The following FEZ1 variants were observed in gnomAD, a reference collection of about 807,000 sequenced individuals.
FEZ1 encodes fasciculation and elongation protein zeta-1.
In FEZ1, 20 loss-of-function variants were observed where a neutral mutation model predicts 49.3. The observed-to-expected ratio is 0.41, with a 90% confidence interval of 0.29 to 0.59. FEZ1 has a LOEUF of 0.59. Ranked by LOEUF, FEZ1 falls within the 20% of genes least tolerant of loss-of-function variation. FEZ1 has a pLI of 0.36. For synonymous variants in FEZ1, 170 were observed against 180.9 expected (o/e 0.94, Z 0.48); for missense variants, 413 against 476.0 (o/e 0.87, Z 1.23).
At chr11:125,469,341 C>T (rs1286987529) in intron 3 of FEZ1, among the ~76,000 whole-genome samples, 1 of 152,218 alleles carries the variant, frequency 6.6e-6, no homozygotes, top group East Asian at 1.9e-4. Context: ...TCACTGCAAC[C>T]TCTGCCTCCC....
chr11:125,486,419 A>G (rs940754717), intron 2 of FEZ1, among the ~76,000 whole-genome samples: 1 of 152,192 alleles, frequency 6.6e-6, no homozygotes. Flanking sequence ...AGATTCTGGG[A>G]TATTTCTTGA....
chr11:125,463,069 G>A (rs768150277), intron 4 of FEZ1, among the ~76,000 whole-genome samples: 1 of 151,922 alleles, frequency 6.6e-6, no homozygotes, highest in Non-Finnish European at 1.5e-5. Context: ...GGAGGTTGAG[G>A]TGGGCAGATC....
chr11:125,493,682 G>C (rs553725942), intron 1 of FEZ1, among the ~76,000 whole-genome samples: 2 of 152,126 alleles, frequency 1.3e-5, no homozygotes, highest in African/African-American at 2.4e-5. Flanking sequence ...TTTTACTAAG[G>C]CTTCTTTTTT....
At position 125,491,466 on chromosome 11, in the gene FEZ1, A is replaced by G. The variant is rs374274909; in HGVS notation, c.-45-1644T>C. ...GTTGAAAAAATGATCTATCTCCCAC[A>G]TACAGTTTTCCATTTTCAGTTTCAG... On this transcript the variant is annotated intron_variant, in intron 1 of 9. Coordinates refer to ENST00000278919, the MANE Select transcript of FEZ1 (RefSeq NM_005103.5). Among the ~76,000 whole-genome samples the G allele has an allele frequency of 2.6e-5, 4 of 152,144 alleles. No individual in the cohort carries two copies. The East Asian group carries it at 7.7e-4, about 29-fold the overall frequency.
chr11:125,493,636 A>G (rs1024197666), intron 1 of FEZ1, among the ~76,000 whole-genome samples: 9 of 152,236 alleles, frequency 5.9e-5, no homozygotes, highest in Non-Finnish European at 1.0e-4. Flanking sequence ...TGCTTATCAA[A>G]CAAGAGAACT....
At chr11:125,460,865 C>A (rs1391347166) in intron 4 of FEZ1, among the ~76,000 whole-genome samples, 199 bp from the exon 5 acceptor site, 1 of 152,198 alleles carries the variant, frequency 6.6e-6, no homozygotes, top group African/African-American at 2.4e-5. Flanking sequence ...GTAAGGCACT[C>A]TTTAATGTAA....
Position 125,489,901 on chromosome 11 carries a change from C to T in FEZ1, c.-45-79G>A. ...AGAGTTAACTTTAGAGACACACCTG[C>T]TTCCAATTCCCTACTCCAAAAAACA... On this transcript the variant is annotated intron_variant, in intron 1 of 9. Transcript: ENST00000278919. This position sits in a 1 kb window ranked among gnomAD's most constrained non-coding sequence, Gnocchi z 4.2. The T allele has an allele frequency of 8.0e-7, 1 of 1,252,290 alleles. No individual in the cohort carries two copies. The allele number at this position is 1,252,290 out of a possible 1,614,324, so 77.6% of individuals were successfully genotyped here. A position where few individuals can be genotyped will look rare whatever the true frequency, so the allele number is the denominator to read the frequency against.
intron 2 of FEZ1, among the ~76,000 whole-genome samples, chr11:125,483,006 T>TAAAAAAAAAAAAAAAAAAAAAAAAA (rs1957298030): frequency 1.7e-5 from 1 of 57,298 alleles, no homozygotes; most frequent in African/African-American, 6.3e-5. Flanking sequence ...AAAAAAAAAC[T>TAAAAAAAAAAAAAAAAAAAAAAAAA]AAAATATTAG....
chr11:125,455,039 A>G (rs1956996213), intron 6 of FEZ1, among the ~76,000 whole-genome samples: 1 of 150,418 alleles, frequency 6.6e-6, no homozygotes, highest in Admixed American at 6.6e-5. Flanking sequence ...AAGAAAAAAA[A>G]AATGAACCAT....
At position 125,495,391 on chromosome 11, in the gene FEZ1, C is replaced by T. The variant is rs1249525824; in HGVS notation, c.-46+730G>A. 1 of 470,678 alleles carries T rather than the reference C, an allele frequency of 2.1e-6. No homozygotes were observed. The highest frequency in any genetic ancestry group is 4.4e-6 in the Non-Finnish European group (1 of 226,866). The allele number at this position is 470,678 out of a possible 1,614,324, so 29.2% of individuals were successfully genotyped here. ...GAAGAAGAGCGGGCTGTGATACCTC[C>T]TCGACGCCGTCAAACACTGCTCCCC... is the stretch of plus-strand genomic sequence containing the variant. On this transcript the variant is annotated intron_variant, in intron 1 of 9. Transcript: ENST00000278919. This position sits in a 1 kb window ranked among gnomAD's most constrained non-coding sequence, Gnocchi z 4.2.
Position 125,489,089 on chromosome 11 carries a change from T to C in FEZ1, c.311+378A>G. The C allele has an allele frequency of 1.0e-6, 1 of 991,084 alleles. No homozygotes were observed. The highest frequency in any genetic ancestry group is 1.2e-6 in the Non-Finnish European group (1 of 833,936). 61.4% of individuals were successfully genotyped at this position (991,084 alleles called of 1,614,324 possible). A position where few individuals can be genotyped will look rare whatever the true frequency, so the allele number is the denominator to read the frequency against. ...TCTGGTGTTTCTTGAAGCAAATTAG[T>C]CCAATAACATAGATTCATCCATCAT... On this transcript the variant is annotated intron_variant, in intron 2 of 9. Coordinates refer to ENST00000278919, the MANE Select transcript of FEZ1 (RefSeq NM_005103.5). This position sits in a 1 kb window ranked among gnomAD's most constrained non-coding sequence, Gnocchi z 4.2.
intron 5 of FEZ1, 186 bp from the exon 6 acceptor site, chr11:125,456,292 TG>T (rs1345427438): frequency 3.6e-6 from 2 of 549,486 alleles, no homozygotes; most frequent in Non-Finnish European, 6.2e-6. Context: ...GCCTGTGTAC[TG>T]ACTGCAGAAG....
chr11:125,478,357 G>A (rs1006228179), intron 3 of FEZ1, among the ~76,000 whole-genome samples: 9 of 152,172 alleles, frequency 5.9e-5, no homozygotes, highest in African/African-American at 2.2e-4. Flanking sequence ...CAGGAGAATT[G>A]CTTGAACCTG....
intron 5 of FEZ1, among the ~76,000 whole-genome samples, chr11:125,456,560 C>T (rs77579030): frequency 0.028 from 4,277 of 152,182 alleles, 84 homozygotes; most frequent in Non-Finnish European, 0.045. Context: ...ACGGCAACAA[C>T]AACAAAAAAG....
At chr11:125,471,431 T>TACACAC (rs34965918) in intron 3 of FEZ1, among the ~76,000 whole-genome samples, 105 of 147,986 alleles carry the variant, frequency 7.1e-4, no homozygotes, top group African/African-American at 2.4e-3. Context: ...TTGAGATAGA[T>TACACAC]ACACACACAC....
chr11:125,453,302 G>T (rs10893382), intron 7 of FEZ1: 20,712 of 152,136 alleles, frequency 0.14, 1,963 homozygotes, highest in Admixed American at 0.31. Flanking sequence ...CAGTGTGTGT[G>T]GCTTTGGAAA....
rs746403223 is a variant in FEZ1, at chr11:125,448,577, G to C, written c.1097-10C>G. 6.3e-7 allele frequency: 1 copy of C among 1,588,108 alleles called. No individual in the cohort carries two copies. The highest frequency in any genetic ancestry group is 1.1e-5 in the South Asian group (1 of 90,484). On this transcript the variant is annotated splice_polypyrimidine_tract_variant and intron_variant, in intron 8 of 9. Coordinates refer to ENST00000278919, the MANE Select transcript of FEZ1 (RefSeq NM_005103.5). ...TTCATGGCAAAGAGAACTAGGAAAG[G>C]AGACAGAGAGAGGAACTAAGATACC...
chr11:125,448,228 A>G (rs1292389320), intron 9 of FEZ1, among the ~76,000 whole-genome samples: 1 of 152,238 alleles, frequency 6.6e-6, no homozygotes, highest in African/African-American at 2.4e-5. Flanking sequence ...AATACTAAGT[A>G]GCCCAAACTC....
chr11:125,493,063 A>G (rs940806169), intron 1 of FEZ1, among the ~76,000 whole-genome samples: 2 of 151,902 alleles, frequency 1.3e-5, no homozygotes, highest in African/African-American at 4.8e-5. Flanking sequence ...ACAGTGGCTC[A>G]TGCCTGTAAT....
Sources: gnomAD v4.1 joint callset for allele counts (sites outside exome capture counted in the v4.1 genomes callset) on GRCh38, gnomAD v4.1.1 for gene constraint, Gnocchi (gnomAD v3.1) non-coding constraint, MANE v1.5 for transcripts, NCBI Gene and HGNC (gene_info 2026-07-23, HGNC 2026-07-21) for gene names.